EBF4: variants seen among roughly 807,000 people sequenced by gnomAD.
EBF4 encodes the protein transcription factor COE4.
Under a neutral mutation model 67.1 loss-of-function variants are expected in EBF4, and 34 were observed. That is an observed-to-expected ratio of 0.51 (90% CI 0.39 to 0.67). The LOEUF is 0.67. EBF4 is among the 30% of genes least tolerant of loss of function. The probability of loss-of-function intolerance (pLI) is 0.00; values close to 1 mark genes in which losing one functional copy is unlikely to be tolerated. For synonymous variants in EBF4, 387 were observed against 377.7 expected, an observed-to-expected ratio of 1.02 and a Z score of -0.29; for missense variants, 837 against 873.3, an observed-to-expected ratio of 0.96 and a Z score of 0.52.
At chr20:2,701,122 C>G (rs1157628501) in intron 1 of EBF4, among the ~76,000 whole-genome samples, 1 of 152,230 alleles carries the variant, frequency 6.6e-6, no homozygotes, top group African/African-American at 2.4e-5. Flanking sequence ...GGATCTTGTC[C>G]TGCAGCTGTA....
chr20:2,720,254 G>C (rs563021927), intron 6 of EBF4, among the ~76,000 whole-genome samples: 1 of 152,132 alleles, frequency 6.6e-6, no homozygotes, highest in African/African-American at 2.4e-5. Flanking sequence ...CCACTACCAC[G>C]CCCAGCTGAA....
intron 1 of EBF4, among the ~76,000 whole-genome samples, chr20:2,703,534 A>G (rs2087407089): frequency 6.6e-6 from 1 of 152,078 alleles, no homozygotes; most frequent in Admixed American, 6.5e-5. Flanking sequence ...GTGTGGAGGC[A>G]TGCACCTGTA....
At chr20:2,705,848 T>A in intron 2 of EBF4, 115 bp downstream of exon 2, 1 of 1,378,784 alleles carries the variant, frequency 7.3e-7, no homozygotes, top group Non-Finnish European at 9.8e-7. Context: ...CTGGGACAGA[T>A]GAATGGATGG....
intron 6 of EBF4, among the ~76,000 whole-genome samples, chr20:2,743,340 G>C (rs76006985): frequency 6.6e-6 from 1 of 152,134 alleles, no homozygotes; most frequent in Non-Finnish European, 1.5e-5. Flanking sequence ...GGGAGAGCCC[G>C]GGCACTGCTC....
chr20:2,755,430 G>A lies in EBF4; in HGVS notation c.1541-197G>A, dbSNP rs1332622165. On this transcript the variant is annotated intron_variant, in intron 14 of 16. Coordinates refer to ENST00000609451, the Ensembl canonical transcript of EBF4. This position sits in a 1 kb window ranked among gnomAD's most constrained non-coding sequence, Gnocchi z 4.7. ...GTCTGGCCCTGTCATCCCCAGCCCC[G>A]AGAAAAGGTCTCCAGAACCGCTGAG... 1.7e-5 allele frequency: 10 copies of A among 572,518 alleles called. No homozygotes were observed. Among genetic ancestry groups the A allele is most frequent in the East Asian group, 8.8e-5 (3 of 33,964 alleles). The allele number at this position is 572,518 out of a possible 1,614,324, so 35.5% of individuals were successfully genotyped here. A position where few individuals can be genotyped will look rare whatever the true frequency, so the allele number is the denominator to read the frequency against.
chr20:2,752,657 C>A, intron 14 of EBF4, 112 bp downstream of exon 14: 1 of 976,498 alleles, frequency 1.0e-6, no homozygotes. Flanking sequence ...TGAGAGTCGA[C>A]CCTGGCTCAG....
exon 4 of EBF4, chr20:2,706,238 C>T (rs375175006): frequency 5.2e-6 from 8 of 1,552,202 alleles, no homozygotes; most frequent in South Asian, 1.2e-5. Flanking sequence ...CCTCTACGTG[C>T]GTCTCATCGA....
At chr20:2,705,548 G>A (rs1327604418) in intron 1 of EBF4, 29 bp from the exon 2 acceptor site, 3 of 1,551,718 alleles carry the variant, frequency 1.9e-6, no homozygotes. Flanking sequence ...GGGCCTTCCA[G>A]TGGTTTTCCA....
chr20:2,755,895 C>T lies in EBF4; in HGVS notation c.1738+71C>T, dbSNP rs1485189777. 4 of 1,396,004 alleles carry T rather than the reference C, an allele frequency of 2.9e-6. No homozygotes were observed. In the African/African-American group the frequency reaches 5.7e-5, roughly 20 times the overall value. The allele number at this position is 1,396,004 out of a possible 1,614,324, so 86.5% of individuals were successfully genotyped here. ...TGTGGAGCAGCTGGGCTACAGGGGC[C>T]TGCTCTGTCCACATCTCACCAGTGC... On this transcript the variant is annotated intron_variant, in intron 15 of 16. Coordinates refer to ENST00000609451, the Ensembl canonical transcript of EBF4. This position sits in a 1 kb window ranked among gnomAD's most constrained non-coding sequence, Gnocchi z 4.7.
At chr20:2,752,908 G>A (rs764389402) in intron 14 of EBF4, among the ~76,000 whole-genome samples, 30 of 152,222 alleles carry the variant, frequency 2.0e-4, no homozygotes, top group Admixed American at 6.5e-5. Context: ...CTCGCGCCCG[G>A]ACTTGGGGAG....
At chr20:2,743,703 T>A (rs2088001094) in intron 6 of EBF4, among the ~76,000 whole-genome samples, 1 of 152,186 alleles carries the variant, frequency 6.6e-6, no homozygotes, top group Non-Finnish European at 1.5e-5. Context: ...TTAATGTCCA[T>A]AGGACAATTT....
intron 16 of EBF4, 59 bp from the exon 17 acceptor site, chr20:2,759,209 G>T: frequency 1.8e-6 from 1 of 565,988 alleles, no homozygotes; most frequent in Non-Finnish European, 3.1e-6. Context: ...GTGGCTTCCT[G>T]TCCCCTGGCA....
chr20:2,721,573 G>A (rs551057340), intron 6 of EBF4, among the ~76,000 whole-genome samples: 2 of 152,154 alleles, frequency 1.3e-5, no homozygotes, highest in African/African-American at 4.8e-5. Flanking sequence ...TTCTGCCTCA[G>A]CCTCCCGAGT....
At chr20:2,715,386 A>G (rs2087595010) in intron 6 of EBF4, among the ~76,000 whole-genome samples, 1 of 152,122 alleles carries the variant, frequency 6.6e-6, no homozygotes, top group Non-Finnish European at 1.5e-5. Context: ...GTAGTTTGTC[A>G]TATTTAGTTT....
intron 1 of EBF4, among the ~76,000 whole-genome samples, chr20:2,701,507 G>GCTC (rs1440815317): frequency 6.6e-6 from 1 of 152,252 alleles, no homozygotes; most frequent in Non-Finnish European, 1.5e-5. Flanking sequence ...GAGCTGGGGG[G>GCTC]CAGCCAGGAC....
chr20:2,748,706 C>A, intron 7 of EBF4, 76 bp downstream of exon 7: 1 of 1,475,192 alleles, frequency 6.8e-7, no homozygotes, highest in Non-Finnish European at 9.2e-7. Flanking sequence ...GAAGGGAAGG[C>A]TGTGACCCTG....
intron 6 of EBF4, among the ~76,000 whole-genome samples, chr20:2,715,345 T>A (rs2087594282): frequency 6.6e-6 from 1 of 152,234 alleles, no homozygotes; most frequent in Non-Finnish European, 1.5e-5. Context: ...TCTATCTTGT[T>A]GTATTTAGCT....
At chr20:2,757,377 C>T (rs2088260811) in intron 15 of EBF4, among the ~76,000 whole-genome samples, 2 of 151,490 alleles carry the variant, frequency 1.3e-5, no homozygotes, top group Admixed American at 1.3e-4. Flanking sequence ...AATGGGGTCC[C>T]TTCCCACCAG....
rs1264505377 is a variant in EBF4, at chr20:2,696,499, A to T, written c.137+2717A>T. 6.6e-6 allele frequency among the ~76,000 whole-genome samples: 1 copy of T among 152,104 alleles called. No homozygotes were observed. The highest frequency in any genetic ancestry group is 2.4e-5 in the African/African-American group (1 of 41,410). On this transcript the variant is annotated intron_variant, in intron 1 of 16. Transcript: ENST00000609451. This position sits in a 1 kb window ranked among gnomAD's most constrained non-coding sequence, Gnocchi z 4.7. Reference sequence around the variant, plus strand: ...AAATAAATAAGTAAATAAATAAAATAAAATAAAATAAAGTGACCAACCCCC... The same window carrying T: ...AAATAAATAAGTAAATAAATAAAATTAAATAAAATAAAGTGACCAACCCCC...
Sources: gnomAD v4.1 joint callset for allele counts (sites outside exome capture counted in the v4.1 genomes callset) on GRCh38, gnomAD v4.1.1 for gene constraint, Gnocchi (gnomAD v3.1) non-coding constraint, MANE v1.5 for transcripts, NCBI Gene and HGNC (gene_info 2026-07-23, HGNC 2026-07-21) for gene names.